The following XPR1 variants were observed in gnomAD, a reference collection of about 807,000 sequenced individuals.
XPR1 encodes xenotropic and polytropic retrovirus receptor 1, also known as solute carrier family 53 member 1.
XPR1 carries 28 observed loss-of-function variants against 87.5 expected under a neutral mutation model. The ratio of observed to expected loss-of-function variants is 0.32; its 90% CI spans 0.24 to 0.44. XPR1 has a LOEUF of 0.44. Among genes scored for constraint, XPR1 ranks in the 20% least tolerant of loss-of-function variants. XPR1 has a pLI of 1.00. For synonymous variants in XPR1, 300 were observed against 306.1 expected, an observed-to-expected ratio of 0.98 and a Z score of 0.21; for missense variants, 559 against 862.3, an observed-to-expected ratio of 0.65 and a Z score of 4.41.
chr1:180,821,133 A>C (rs1650613568), intron 7 of XPR1, among the ~76,000 whole-genome samples: 1 of 152,118 alleles, frequency 6.6e-6, no homozygotes, highest in Admixed American at 6.5e-5. Context: ...GCCAAATTCA[A>C]GGTCATGAAG....
intron 2 of XPR1, among the ~76,000 whole-genome samples, chr1:180,722,099 C>CA (rs1370873180): frequency 2.6e-5 from 4 of 151,366 alleles, no homozygotes; most frequent in Non-Finnish European, 4.4e-5. Flanking sequence ...TTCGTGTCTA[C>CA]AAAAAATAGA....
chr1:180,880,043 C>T (rs779420411), intron 13 of XPR1, 33 bp from the exon 14 acceptor site: 3 of 1,610,468 alleles, frequency 1.9e-6, no homozygotes, highest in Admixed American at 1.7e-5. Flanking sequence ...GTTACAATTT[C>T]ATAAGTACTT....
intron 1 of XPR1, among the ~76,000 whole-genome samples, chr1:180,640,235 A>G (rs1333324811): frequency 6.6e-6 from 1 of 152,228 alleles, no homozygotes; most frequent in Non-Finnish European, 1.5e-5. Context: ...TGTTGCTTTT[A>G]TATGGAAATT....
chr1:180,863,971 C>A (rs1652300970), intron 12 of XPR1, 97 bp downstream of exon 12: 2 of 921,310 alleles, frequency 2.2e-6, no homozygotes, highest in Non-Finnish European at 1.5e-6. Flanking sequence ...TTATATTACT[C>A]TAATATAATT....
intron 1 of XPR1, among the ~76,000 whole-genome samples, chr1:180,632,974 CTT>C (rs2101887879): frequency 6.6e-6 from 1 of 152,212 alleles, no homozygotes; most frequent in African/African-American, 2.4e-5. Context: ...GTTTTTGCCT[CTT>C]GTTTTGGAAT....
At chr1:180,855,450 A>G (rs1558040245) in intron 11 of XPR1, among the ~76,000 whole-genome samples, 1 of 152,132 alleles carries the variant, frequency 6.6e-6, no homozygotes, top group East Asian at 1.9e-4. Context: ...GCAGATTATG[A>G]GGTCAGGAGA....
intron 2 of XPR1, among the ~76,000 whole-genome samples, chr1:180,745,656 G>C (rs944564512): frequency 4.6e-5 from 7 of 152,198 alleles, no homozygotes; most frequent in African/African-American, 1.7e-4. Flanking sequence ...GACAGATTTA[G>C]AGGATTTTTG....
chr1:180,878,728 T>C (rs1652744379), intron 13 of XPR1, among the ~76,000 whole-genome samples: 1 of 152,238 alleles, frequency 6.6e-6, no homozygotes, highest in Non-Finnish European at 1.5e-5. Flanking sequence ...TTGTCAGTTC[T>C]CTGTACTTAT....
intron 1 of XPR1, among the ~76,000 whole-genome samples, chr1:180,680,649 A>G (rs1285964222): frequency 6.6e-6 from 1 of 152,100 alleles, no homozygotes; most frequent in Non-Finnish European, 1.5e-5. Context: ...AGGCGTGAGC[A>G]CTGCGCCCGG....
chr1:180,704,933 G>C (rs1308101740), intron 2 of XPR1, among the ~76,000 whole-genome samples: 1 of 144,436 alleles, frequency 6.9e-6, no homozygotes, highest in East Asian at 2.0e-4. Flanking sequence ...CACTGTTTCA[G>C]GCTTTCTGTT....
At position 180,706,643 on chromosome 1, in the gene XPR1, G is replaced by A. The variant is rs552591851; in HGVS notation, c.121+24232G>A. Among the ~76,000 whole-genome samples the A allele has an allele frequency of 4.7e-5, 7 of 150,408 alleles. No individual in the cohort carries two copies. In the South Asian group the frequency reaches 6.3e-4, roughly 14 times the overall value. On this transcript the variant is annotated intron_variant, in intron 2 of 14. Transcript: ENST00000367590. ...TTTTTTTTCCCCGAGGCAGAGTCTCGCACTGTCACCCAGGCTGGAGTGCAG... is the reference window on the plus strand; with the variant it reads ...TTTTTTTTCCCCGAGGCAGAGTCTCACACTGTCACCCAGGCTGGAGTGCAG...
intron 12 of XPR1, among the ~76,000 whole-genome samples, chr1:180,864,451 A>G (rs1042325821): frequency 2.2e-4 from 33 of 152,280 alleles, no homozygotes; most frequent in Admixed American, 1.1e-3. Context: ...TTACTGGTCT[A>G]TAGTAGACTT....
At chr1:180,714,592 A>G (rs1657925180) in intron 2 of XPR1, among the ~76,000 whole-genome samples, 1 of 151,674 alleles carries the variant, frequency 6.6e-6, no homozygotes, top group African/African-American at 2.4e-5. Context: ...TTTTGTAGAG[A>G]CAGGGTCTCA....
At chr1:180,747,658 T>C (rs1012335102) in intron 2 of XPR1, among the ~76,000 whole-genome samples, 1 of 152,172 alleles carries the variant, frequency 6.6e-6, no homozygotes. Flanking sequence ...ACAGAAAAAT[T>C]AATCTGATTT....
chr1:180,741,529 C>G (rs551613575), intron 2 of XPR1, among the ~76,000 whole-genome samples: 3 of 151,506 alleles, frequency 2.0e-5, no homozygotes, highest in Non-Finnish European at 4.4e-5. Context: ...TCTATCACCC[C>G]GGCTGGGGTG....
At chr1:180,757,869 T>TAAAAAA (rs35162664) in intron 2 of XPR1, among the ~76,000 whole-genome samples, 1 of 40,060 alleles carries the variant, frequency 2.5e-5, no homozygotes, top group African/African-American at 1.0e-4. Context: ...GTTGAAAATG[T>TAAAAAA]AAAAAAAAAA....
chr1:180,791,602 A>T lies in XPR1; in HGVS notation c.223+3748A>T, dbSNP rs1383999557. Among the ~76,000 whole-genome samples the T allele has an allele frequency of 3.3e-5, 5 of 152,156 alleles. No individual in the cohort carries two copies. In the South Asian group the frequency reaches 8.3e-4, roughly 25 times the overall value. On this transcript the variant is annotated intron_variant, in intron 3 of 14. Coordinates refer to ENST00000367590, the MANE Select transcript of XPR1 (RefSeq NM_004736.4). ...GTTATAGTAAAAAAAAATGTACATT[A>T]TGACCCAGCACACATATACAGATAA... is the stretch of plus-strand genomic sequence containing the variant.
intron 2 of XPR1, among the ~76,000 whole-genome samples, chr1:180,713,342 G>A (rs1237166681): frequency 6.6e-6 from 1 of 151,852 alleles, no homozygotes; most frequent in Non-Finnish European, 1.5e-5. Flanking sequence ...TATTGATCTT[G>A]TGCAAATTTG....
chr1:180,796,176 CA>C (rs1295472354), intron 3 of XPR1, among the ~76,000 whole-genome samples: 1 of 151,834 alleles, frequency 6.6e-6, no homozygotes, highest in Non-Finnish European at 1.5e-5. Flanking sequence ...TTTATATATA[CA>C]CACACACACA....
Sources: allele counts gnomAD v4.1 joint callset (sites outside exome capture counted in the v4.1 genomes callset), GRCh38; gene constraint gnomAD v4.1.1; transcripts MANE v1.5; gene names NCBI Gene and HGNC (gene_info 2026-07-23, HGNC 2026-07-21).